GSE1: variants seen among roughly 807,000 people sequenced by gnomAD.
GSE1 encodes genetic suppressor element 1.
Under a neutral mutation model 112.6 loss-of-function variants are expected in GSE1, and 32 were observed. That is an observed-to-expected ratio of 0.28 (90% CI 0.21 to 0.38). The LOEUF (loss-of-function observed/expected upper bound fraction) is 0.38, where lower values mean the gene tolerates loss of function less well. Among genes scored for constraint, GSE1 ranks in the 10% least tolerant of loss-of-function variants. GSE1 has a pLI of 1.00. For synonymous variants in GSE1, 1,115 were observed against 735.6 expected (o/e 1.52, Z -8.35); for missense variants, 2,348 against 1,699.2 (o/e 1.38, Z -6.71).
intron 1 of GSE1, among the ~76,000 whole-genome samples, chr16:85,578,948 G>A (rs546382506): frequency 6.6e-6 from 1 of 151,874 alleles, no homozygotes; most frequent in East Asian, 1.9e-4. Context: ...GATCTGGTTT[G>A]TCTTGTTCTC....
intron 1 of GSE1, among the ~76,000 whole-genome samples, chr16:85,261,876 C>T (rs759441136): frequency 2.6e-5 from 4 of 152,124 alleles, no homozygotes; most frequent in Non-Finnish European, 4.4e-5. Flanking sequence ...GATTTGGTGC[C>T]CGCTTTGGCT....
exon 1 of GSE1, chr16:85,170,328 G>T (rs1286439984): frequency 1.3e-5 from 13 of 985,382 alleles, no homozygotes; most frequent in African/African-American, 1.7e-5. Flanking sequence ...CCGAGGCCCG[G>T]GCCAGCGTCC....
intron 2 of GSE1, among the ~76,000 whole-genome samples, chr16:85,383,563 C>G (rs1029711613): frequency 6.8e-6 from 1 of 146,812 alleles, no homozygotes; most frequent in African/African-American, 2.6e-5. Flanking sequence ...CTCTCTCTCT[C>G]TCTCTCTCTC....
rs756830275 is a variant in GSE1 at position 85,661,445 on chromosome 16, A to G, written c.1940A>G (p.Asp647Gly). Reference sequence around the variant, plus strand: ...CGGAAGCGTGAGCCTGCCCCTCTGGACAAGTACCAGCCACCTCCGCCGCCA... The same window carrying G: ...CGGAAGCGTGAGCCTGCCCCTCTGGGCAAGTACCAGCCACCTCCGCCGCCA... ...GPRKREPAPL[D>G]KYQPPPPPPR... The change falls in exon 9 of 16, where the codon GAC becomes GGC. Residue 647 changes from aspartate (D) to glycine (G), a missense_variant. Asp to Gly is a moderately conservative substitution (Grantham distance 94). Coordinates refer to ENST00000253458, the MANE Select transcript of GSE1 (RefSeq NM_014615.5). 1 of 1,611,850 alleles carries G rather than the reference A, an allele frequency of 6.2e-7. No individual in the cohort carries two copies. The highest frequency in any genetic ancestry group is 2.2e-5 in the East Asian group (1 of 44,850).
intron 1 of GSE1, among the ~76,000 whole-genome samples, chr16:85,172,083 C>T (rs988779885): frequency 3.3e-5 from 5 of 152,232 alleles, no homozygotes; most frequent in Non-Finnish European, 7.4e-5. Context: ...ACAGCAGGCA[C>T]GGGCCTGAAC....
At chr16:85,391,461 C>T (rs113497100) in intron 2 of GSE1, among the ~76,000 whole-genome samples, 3 of 152,196 alleles carry the variant, frequency 2.0e-5, no homozygotes, top group African/African-American at 7.2e-5. Context: ...GGCAGGGCCA[C>T]ACTCTGCCTG....
Position 85,494,930 on chromosome 16 carries a change from T to C in GSE1, c.2464+137287T>C, listed in dbSNP as rs552670154. Reference sequence around the variant, plus strand: ...TCCCCTGCCTCTGCCGGTGCAGGCTTTCTGCATCGGACTCCTGCTGCTTGG... The same window carrying C: ...TCCCCTGCCTCTGCCGGTGCAGGCTCTCTGCATCGGACTCCTGCTGCTTGG... On this transcript the variant is annotated intron_variant, in intron 2 of 2. Coordinates refer to the GSE1 transcript ENST00000637419. Among the ~76,000 whole-genome samples the C allele has an allele frequency of 3.4e-5, 5 of 147,598 alleles. No homozygotes were observed. The South Asian group carries it at 1.1e-3, about 33-fold the overall frequency.
At chr16:85,381,205 G>T (rs1025880009) in intron 2 of GSE1, among the ~76,000 whole-genome samples, 3 of 152,214 alleles carry the variant, frequency 2.0e-5, no homozygotes, top group African/African-American at 7.2e-5. Context: ...GAATCGTACC[G>T]TTTGTAGCCT....
chr16:85,508,548 C>T (rs191589057), intron 2 of GSE1, among the ~76,000 whole-genome samples: 37 of 152,298 alleles, frequency 2.4e-4, no homozygotes, highest in African/African-American at 7.5e-4. Context: ...GAGCTTCAGC[C>T]TGGGCCTCCA....
intron 1 of GSE1, among the ~76,000 whole-genome samples, chr16:85,248,563 C>T (rs1906118880): frequency 2.0e-5 from 3 of 152,060 alleles, no homozygotes; most frequent in South Asian, 2.1e-4. Context: ...ACCTAATAGG[C>T]TGTTAATGAT....
chr16:85,410,360 G>C (rs1176405630), intron 2 of GSE1, among the ~76,000 whole-genome samples: 1 of 49,420 alleles, frequency 2.0e-5, no homozygotes, highest in Non-Finnish European at 3.5e-5. Flanking sequence ...GTTACACTCA[G>C]GGCCCCCCGG....
At chr16:85,586,928 A>T (rs912597573) in intron 1 of GSE1, among the ~76,000 whole-genome samples, 3 of 152,232 alleles carry the variant, frequency 2.0e-5, no homozygotes, top group Non-Finnish European at 1.5e-5. Context: ...AAGTGCCCGC[A>T]GCTGCCAGGG....
chr16:85,502,918 G>A (rs1357905877), intron 2 of GSE1, among the ~76,000 whole-genome samples: 1 of 152,164 alleles, frequency 6.6e-6, no homozygotes, highest in Non-Finnish European at 1.5e-5. Context: ...GGGTGCCCAC[G>A]GAAGACAGAA....
At chr16:85,219,530 CTCTAGA>C (rs1209781220) in intron 1 of GSE1, among the ~76,000 whole-genome samples, 1 of 152,140 alleles carries the variant, frequency 6.6e-6, no homozygotes. Flanking sequence ...ACCTTGCACT[CTCTAGA>C]AAGCCCCCTC....
At chr16:85,174,826 CT>C (rs2074428005) in intron 1 of GSE1, among the ~76,000 whole-genome samples, 1 of 152,314 alleles carries the variant, frequency 6.6e-6, no homozygotes, top group East Asian at 1.9e-4. Context: ...TGTGAGCCCC[CT>C]GGGGAGGGAG....
intron 1 of GSE1, among the ~76,000 whole-genome samples, chr16:85,309,124 G>A (rs966085824): frequency 4.6e-5 from 7 of 151,568 alleles, no homozygotes; most frequent in Admixed American, 4.0e-4. Context: ...TTGCACTAGC[G>A]AAGCTCTCGA....
At chr16:85,629,597 G>C (rs1447887647) in intron 1 of GSE1, among the ~76,000 whole-genome samples, 1 of 152,214 alleles carries the variant, frequency 6.6e-6, no homozygotes, top group African/African-American at 2.4e-5. Flanking sequence ...CTGGACCTGG[G>C]CTCCAAGCCT....
chr16:85,292,328 G>T (rs141598243), intron 1 of GSE1, among the ~76,000 whole-genome samples: 14 of 140,710 alleles, frequency 9.9e-5, no homozygotes, highest in South Asian at 6.9e-4. Context: ...TTTTGTTTTT[G>T]TTTTTTTTTT....
chr16:85,355,318 A>G (rs918276331), intron 1 of GSE1, among the ~76,000 whole-genome samples: 1 of 151,980 alleles, frequency 6.6e-6, no homozygotes, highest in African/African-American at 2.4e-5. Context: ...AGGGTCACCA[A>G]CCCCCACGAC....
Sources: gnomAD v4.1 joint callset for allele counts (sites outside exome capture counted in the v4.1 genomes callset) on GRCh38, gnomAD v4.1.1 for gene constraint, MANE v1.5 for transcripts, NCBI Gene and HGNC (gene_info 2026-07-23, HGNC 2026-07-21) for gene names.